The following ARL8B variants were observed in gnomAD, a reference collection of about 807,000 sequenced individuals.
ARL8B encodes the protein ARF like GTPase 8B, also known as ADP-ribosylation factor-like protein 8B.
A neutral mutation model predicts 30.6 loss-of-function variants in ARL8B; 9 were observed. The ratio of observed to expected loss-of-function variants is 0.29; its 90% CI spans 0.18 to 0.51. The LOEUF (loss-of-function observed/expected upper bound fraction) is 0.51, where lower values mean the gene tolerates loss of function less well. Among genes scored for constraint, ARL8B ranks in the 20% least tolerant of loss-of-function variants. The pLI, the probability that ARL8B is intolerant of heterozygous loss-of-function variation, is 0.97. For missense variants in ARL8B, 130 were observed against 227.2 expected (o/e 0.57, Z 2.75); for synonymous variants, 74 against 76.0 (o/e 0.97, Z 0.14).
Position 5,122,525 on chromosome 3 carries a change from G to A in ARL8B, c.60G>A (p.Glu20=). The A allele has an allele frequency of 6.2e-7, 1 of 1,613,362 alleles. No individual in the cohort carries two copies. Among genetic ancestry groups the A allele is most frequent in the South Asian group, 1.1e-5 (1 of 90,900 alleles). The part of the protein sequence containing the change: ...DWFRSLFWKE[E]MELTLVGLQY... ...TCCGTTCGCTCTTCTGGAAGGAAGA[G>A]ATGGAGCTGACGCTCGTGGGGCTGC... The change falls in exon 1 of 7, where the codon GAG becomes GAA. Residue 20 remains glutamate, a synonymous_variant. Transcript: ENST00000256496.
chr3:5,142,537 G>A (rs1268605603), intron 1 of ARL8B, among the ~76,000 whole-genome samples: 1 of 152,256 alleles, frequency 6.6e-6, no homozygotes, highest in East Asian at 1.9e-4. Flanking sequence ...CGTAGCACAC[G>A]CATAGCAGTC....
chr3:5,173,979 G>A, intron 4 of ARL8B, 38 bp from the exon 5 acceptor site: 1 of 1,443,442 alleles, frequency 6.9e-7, no homozygotes, highest in Non-Finnish European at 9.7e-7. Flanking sequence ...ACTTTTTCTT[G>A]CATAAACGTG....
chr3:5,125,563 C>T (rs1408385795), intron 1 of ARL8B, among the ~76,000 whole-genome samples: 4 of 151,350 alleles, frequency 2.6e-5, no homozygotes, highest in East Asian at 3.9e-4. Flanking sequence ...GACGGAGTCC[C>T]GCTGTGTTGC....
chr3:5,131,435 G>A (rs1168325053), intron 1 of ARL8B, among the ~76,000 whole-genome samples: 1 of 150,478 alleles, frequency 6.6e-6, no homozygotes, highest in Non-Finnish European at 1.5e-5. Context: ...CTGTCACCCA[G>A]GCTGGAGTGC....
chr3:5,122,619 C>T, intron 1 of ARL8B, 31 bp downstream of exon 1: 1 of 1,579,030 alleles, frequency 6.3e-7, no homozygotes, highest in Non-Finnish European at 8.6e-7. Context: ...TCGCCCGGGG[C>T]TCCGCAGCCA....
Position 5,122,440 on chromosome 3 carries a change from G to A in ARL8B, c.-26G>A. ...GACGCCGCCGCTCGTCCGTCCTCCC[G>A]TCCGTTCTCGCTCCCGGCCGCCATC... On this transcript the variant is annotated 5_prime_UTR_variant, in exon 1 of 7. Transcript: ENST00000256496. 2 of 1,611,550 alleles carry A rather than the reference G, an allele frequency of 1.2e-6. No individual in the cohort carries two copies. The highest frequency in any genetic ancestry group is 8.5e-7 in the Non-Finnish European group (1 of 1,179,302).
At chr3:5,122,902 TG>T (rs1419696048) in intron 1 of ARL8B, among the ~76,000 whole-genome samples, 1 of 152,190 alleles carries the variant, frequency 6.6e-6, no homozygotes, top group Admixed American at 6.5e-5. Flanking sequence ...GCTTGGGGAT[TG>T]GGGTTTCCCT....
intron 1 of ARL8B, among the ~76,000 whole-genome samples, chr3:5,154,696 A>G (rs1321972757): frequency 6.6e-6 from 1 of 151,570 alleles, no homozygotes; most frequent in Non-Finnish European, 1.5e-5. Flanking sequence ...TCACCCCAGC[A>G]CCACCCTAGC....
At chr3:5,145,382 G>C (rs148978636) in intron 1 of ARL8B, among the ~76,000 whole-genome samples, 2 of 152,034 alleles carry the variant, frequency 1.3e-5, no homozygotes, top group Non-Finnish European at 2.9e-5. Context: ...ACCTGGTGTG[G>C]GGTGCTTACT....
chr3:5,155,370 T>C (rs1341364863), intron 1 of ARL8B, among the ~76,000 whole-genome samples: 1 of 152,208 alleles, frequency 6.6e-6, no homozygotes, highest in Non-Finnish European at 1.5e-5. Context: ...TAATTTGTCT[T>C]GGTATAGATC....
intron 1 of ARL8B, 78 bp downstream of exon 1, chr3:5,122,666 G>C: frequency 6.7e-7 from 1 of 1,496,870 alleles, no homozygotes; most frequent in South Asian, 1.3e-5. Flanking sequence ...GCCTGAGTTG[G>C]GGCCCCCCTC....
intron 6 of ARL8B, among the ~76,000 whole-genome samples, chr3:5,175,733 C>T (rs1001036947): frequency 6.6e-6 from 1 of 152,210 alleles, no homozygotes; most frequent in East Asian, 1.9e-4. Flanking sequence ...CCTTGCCTCT[C>T]TCTAGCTTGT....
At chr3:5,157,235 C>T (rs555248337) in intron 1 of ARL8B, among the ~76,000 whole-genome samples, 11 of 152,284 alleles carry the variant, frequency 7.2e-5, no homozygotes, top group Non-Finnish European at 1.2e-4. Flanking sequence ...TAGTTTAGTT[C>T]TCAAAGCCTT....
intron 1 of ARL8B, among the ~76,000 whole-genome samples, chr3:5,149,581 G>T (rs1174117607): frequency 6.6e-6 from 1 of 152,228 alleles, no homozygotes; most frequent in African/African-American, 2.4e-5. Flanking sequence ...CTTCCCAGAT[G>T]TGTAAGTTTT....
chr3:5,177,137 A>G (rs958156876), intron 6 of ARL8B, among the ~76,000 whole-genome samples: 1 of 152,196 alleles, frequency 6.6e-6, no homozygotes, highest in African/African-American at 2.4e-5. Context: ...AAAAAACAAA[A>G]TCTCTTGGGC....
At chr3:5,159,217 C>T (rs1185098506) in intron 1 of ARL8B, among the ~76,000 whole-genome samples, 1 of 149,060 alleles carries the variant, frequency 6.7e-6, no homozygotes, top group African/African-American at 2.5e-5. Flanking sequence ...GGAGGATCCC[C>T]CGAGCCCGGG....
At chr3:5,138,650 C>T (rs1036363945) in intron 1 of ARL8B, among the ~76,000 whole-genome samples, 1 of 152,106 alleles carries the variant, frequency 6.6e-6, no homozygotes, top group Admixed American at 6.6e-5. Flanking sequence ...CTTCTTACTG[C>T]GCTTACTGCA....
At chr3:5,144,377 C>T (rs1009764231) in intron 1 of ARL8B, among the ~76,000 whole-genome samples, 1 of 152,200 alleles carries the variant, frequency 6.6e-6, no homozygotes, top group Non-Finnish European at 1.5e-5. Flanking sequence ...GTTTTCTAAT[C>T]ACCTTTTTGT....
chr3:5,154,745 C>T (rs767398514), intron 1 of ARL8B, among the ~76,000 whole-genome samples: 9 of 151,340 alleles, frequency 5.9e-5, no homozygotes, highest in African/African-American at 9.7e-5. Flanking sequence ...TAGTCTTGCT[C>T]TGTTGCCCGG....
Sources: allele counts gnomAD v4.1 joint callset (sites outside exome capture counted in the v4.1 genomes callset), GRCh38; gene constraint gnomAD v4.1.1; transcripts MANE v1.5; gene names NCBI Gene and HGNC (gene_info 2026-07-23, HGNC 2026-07-21).